ALK: variants seen among roughly 807,000 people sequenced by gnomAD.
ALK encodes ALK receptor tyrosine kinase, also known as ALK tyrosine kinase receptor.
A neutral mutation model predicts 163.1 loss-of-function variants in ALK; 74 were observed. That is an observed-to-expected ratio of 0.45 (90% CI 0.38 to 0.55). The LOEUF (loss-of-function observed/expected upper bound fraction) is 0.55. Among genes scored for constraint, ALK ranks in the 20% least tolerant of loss-of-function variants. The pLI, the probability that ALK is intolerant of heterozygous loss-of-function variation, is 0.00. For synonymous variants in ALK, 960 were observed against 843.2 expected, an observed-to-expected ratio of 1.14 and a Z score of -2.40; for missense variants, 2,063 against 2,105.3, an observed-to-expected ratio of 0.98 and a Z score of 0.39.
At chr2:29,892,009 A>G (rs1255642148) in intron 1 of ALK, among the ~76,000 whole-genome samples, 1 of 152,152 alleles carries the variant, frequency 6.6e-6, no homozygotes, top group Non-Finnish European at 1.5e-5. Context: ...ATGTACAACC[A>G]TGGTCCTAAC....
At chr2:29,787,002 A>T (rs890114966) in intron 1 of ALK, among the ~76,000 whole-genome samples, 5 of 152,128 alleles carry the variant, frequency 3.3e-5, no homozygotes, top group Non-Finnish European at 7.3e-5. Flanking sequence ...TCACCATGTT[A>T]GCCAGGATGG....
intron 4 of ALK, among the ~76,000 whole-genome samples, chr2:29,402,058 C>T (rs901073493): frequency 6.6e-6 from 1 of 152,214 alleles, no homozygotes; most frequent in Non-Finnish European, 1.5e-5. Flanking sequence ...TTTTACATCC[C>T]TCCCTTCACA....
intron 5 of ALK, among the ~76,000 whole-genome samples, chr2:29,335,921 T>C (rs12991381): frequency 0.19 from 29,142 of 151,920 alleles, 3,255 homozygotes; most frequent in Middle Eastern, 0.3. Context: ...ACACCTGTAA[T>C]CACAGCTACT....
intron 4 of ALK, among the ~76,000 whole-genome samples, chr2:29,479,897 T>C (rs1206537256): frequency 4.6e-5 from 7 of 152,224 alleles, no homozygotes; most frequent in Non-Finnish European, 1.0e-4. Context: ...AGTCTTGAAA[T>C]CTGGTACAGG....
chr2:29,697,309 G>A (rs1047949284), intron 2 of ALK, among the ~76,000 whole-genome samples: 2 of 152,114 alleles, frequency 1.3e-5, no homozygotes, highest in African/African-American at 4.8e-5. Context: ...ATTTTCTCTT[G>A]GGGAGTGTTT....
At chr2:29,796,679 G>C (rs137855297) in intron 1 of ALK, among the ~76,000 whole-genome samples, 1 of 152,068 alleles carries the variant, frequency 6.6e-6, no homozygotes, top group Non-Finnish European at 1.5e-5. Flanking sequence ...GTTTAAACTC[G>C]TTTCTTTTCT....
chr2:29,371,221 T>G (rs1044127476), intron 5 of ALK, among the ~76,000 whole-genome samples: 4 of 152,162 alleles, frequency 2.6e-5, no homozygotes, highest in African/African-American at 9.7e-5. Flanking sequence ...AAAATAAAGT[T>G]CCACAAAAAC....
intron 3 of ALK, among the ~76,000 whole-genome samples, chr2:29,608,259 TTTGTTAG>T (rs878994368): frequency 1.2e-4 from 18 of 152,214 alleles, no homozygotes; most frequent in Admixed American, 3.3e-4. Context: ...TCTGCTTATA[TTTGTTAG>T]CTGTCTGTCT....
chr2:29,910,449 A>C (rs1217666946), intron 1 of ALK, among the ~76,000 whole-genome samples: 1 of 152,196 alleles, frequency 6.6e-6, no homozygotes, highest in Non-Finnish European at 1.5e-5. Flanking sequence ...AATTTTTTTA[A>C]AAATTTCCAA....
intron 5 of ALK, among the ~76,000 whole-genome samples, chr2:29,365,849 A>T (rs139257968): frequency 2.4e-4 from 37 of 152,320 alleles, no homozygotes; most frequent in African/African-American, 8.9e-4. Flanking sequence ...AGACAGCTGG[A>T]CAACTAGAGT....
intron 1 of ALK, among the ~76,000 whole-genome samples, chr2:29,784,890 G>C (rs1311088144): frequency 6.6e-6 from 1 of 152,034 alleles, no homozygotes; most frequent in Non-Finnish European, 1.5e-5. Context: ...TTCTGCTTTA[G>C]TTTATAAAGC....
chr2:29,913,216 T>C (rs2148438806), intron 1 of ALK, among the ~76,000 whole-genome samples: 1 of 152,230 alleles, frequency 6.6e-6, no homozygotes, highest in South Asian at 2.1e-4. Flanking sequence ...TTCTGGAATA[T>C]GTACACCACA....
At chr2:29,876,280 T>C (rs72794311) in intron 1 of ALK, among the ~76,000 whole-genome samples, 18,181 of 152,304 alleles carry the variant, frequency 0.12, 2,158 homozygotes, top group African/African-American at 0.3. Flanking sequence ...TTAGCAGTGA[T>C]GGTAATGATG....
chr2:29,594,926 GAAAT>G, intron 3 of ALK, among the ~76,000 whole-genome samples: 1 of 146,630 alleles, frequency 6.8e-6, no homozygotes, highest in South Asian at 2.2e-4. Flanking sequence ...AAAGAAGGTT[GAAAT>G]AAATGAAGTA....
chr2:29,396,111 A>G lies in ALK; in HGVS notation c.1155-12252T>C, dbSNP rs77713795. 3.9e-5 allele frequency among the ~76,000 whole-genome samples: 6 copies of G among 152,240 alleles called. No individual in the cohort carries two copies. The East Asian group carries it at 1.2e-3, about 29-fold the overall frequency. On this transcript the variant is annotated intron_variant, in intron 4 of 28. Coordinates refer to ENST00000389048, the MANE Select transcript of ALK (RefSeq NM_004304.5). ...CCTCCACACTAGGAATGGGAAGGTA[A>G]TTGTCAGAGGCTTTGATGGATGGTG...
intron 1 of ALK, among the ~76,000 whole-genome samples, chr2:29,769,675 A>G (rs999320718): frequency 5.3e-5 from 8 of 152,218 alleles, no homozygotes; most frequent in Non-Finnish European, 1.2e-4. Context: ...TTCCCTCTTT[A>G]GAGGAGTGAT....
At chr2:29,678,891 T>C (rs1394188653) in intron 3 of ALK, among the ~76,000 whole-genome samples, 5 of 151,756 alleles carry the variant, frequency 3.3e-5, no homozygotes, top group Admixed American at 3.3e-4. Flanking sequence ...ATTTGTCAGT[T>C]AGGTTGAGTT....
chr2:29,379,056 A>G (rs1168736397), intron 5 of ALK, among the ~76,000 whole-genome samples: 1 of 152,112 alleles, frequency 6.6e-6, no homozygotes, highest in Admixed American at 6.5e-5. Context: ...AGTCTTTCCC[A>G]TTCTGACGTA....
intron 4 of ALK, among the ~76,000 whole-genome samples, chr2:29,487,699 A>G (rs778163667): frequency 5.3e-5 from 8 of 152,168 alleles, no homozygotes; most frequent in Non-Finnish European, 1.0e-4. Flanking sequence ...AGGAGAAGAC[A>G]TTTATTCAAT....
Sources: allele counts gnomAD v4.1 joint callset (sites outside exome capture counted in the v4.1 genomes callset), GRCh38; gene constraint gnomAD v4.1.1; transcripts MANE v1.5; gene names NCBI Gene and HGNC (gene_info 2026-07-23, HGNC 2026-07-21).